The following KANK2 variants were observed in gnomAD, a reference collection of about 807,000 sequenced individuals.
The protein encoded by KANK2 is KN motif and ankyrin repeat domain-containing protein 2.
KANK2 carries 41 observed loss-of-function variants against 74.6 expected under a neutral mutation model. The ratio of observed to expected loss-of-function variants is 0.55; its 90% CI spans 0.43 to 0.71. The LOEUF (loss-of-function observed/expected upper bound fraction) is 0.71, where lower values mean the gene tolerates loss of function less well. Among genes scored for constraint, KANK2 ranks in the 30% least tolerant of loss-of-function variants. KANK2 has a pLI of 0.00. For synonymous variants in KANK2, 537 were observed against 519.0 expected, an observed-to-expected ratio of 1.03 and a Z score of -0.47; for missense variants, 1,148 against 1,196.4, an observed-to-expected ratio of 0.96 and a Z score of 0.60.
intron 6 of KANK2, 41 bp downstream of exon 6, chr19:11,178,304 G>A (rs1600812925): frequency 2.0e-6 from 2 of 990,376 alleles, no homozygotes; most frequent in Admixed American, 4.2e-5. Flanking sequence ...TGGAGGAGGG[G>A]CGGGAAGTAT....
chr19:11,166,995 A>G (rs372838296), intron 12 of KANK2, among the ~76,000 whole-genome samples: 1 of 152,004 alleles, frequency 6.6e-6, no homozygotes, highest in East Asian at 1.9e-4. Context: ...CTAGAGGGGG[A>G]GAGAAACAGT....
At position 11,174,146 on chromosome 19, in the gene KANK2, CCTGGGAGGGTGGCATCTCCTCCATCAGA is replaced by C. The variant is rs1218533593; in HGVS notation, c.2068+299_2068+326del. 8.5e-4 allele frequency among the ~76,000 whole-genome samples: 127 copies of C among 149,376 alleles called. 2 individuals are homozygous for C. In the East Asian group the frequency reaches 0.021, roughly 25 times the overall value. On this transcript the variant is annotated intron_variant, in intron 9 of 12. Transcript: ENST00000586659. ...ACTGGGAAGGTGTCTCCTCCATCAG[CCTGGGAGGGTGGCATCTCCTCCATCAGA>C]CTGGGAGGGCGGCATCTCCTCCATC... is the stretch of plus-strand genomic sequence containing the variant.
chr19:11,168,246 C>T (rs1310615382), intron 12 of KANK2, among the ~76,000 whole-genome samples: 3 of 151,646 alleles, frequency 2.0e-5, no homozygotes, highest in Admixed American at 6.6e-5. Flanking sequence ...TCAAATCATC[C>T]GCCCACCTTG....
chr19:11,178,321 G>C (rs562101242), intron 6 of KANK2, 24 bp downstream of exon 6: 3 of 540,706 alleles, frequency 5.5e-6, no homozygotes, highest in Non-Finnish European at 8.9e-6. Flanking sequence ...GTATGGGGTG[G>C]GGGGTGGGGT....
At chr19:11,178,290 T>G in intron 6 of KANK2, 55 bp downstream of exon 6, 3 of 1,111,514 alleles carry the variant, frequency 2.7e-6, no homozygotes, top group Non-Finnish European at 3.4e-6. Context: ...CGTGCGTGGA[T>G]GAATGGAGGA....
intron 4 of KANK2, among the ~76,000 whole-genome samples, chr19:11,187,776 T>C (rs992025227): frequency 2.0e-5 from 3 of 152,292 alleles, no homozygotes; most frequent in East Asian, 1.9e-4. Flanking sequence ...TTTTTTTGCA[T>C]ATTAAGTATA....
chr19:11,191,532 T>C (rs2078845985), intron 4 of KANK2, among the ~76,000 whole-genome samples: 1 of 152,208 alleles, frequency 6.6e-6, no homozygotes, highest in Non-Finnish European at 1.5e-5. Context: ...CGTCCATGGC[T>C]AGGCAGACAG....
chr19:11,180,156 A>G (rs1187495615), intron 4 of KANK2, among the ~76,000 whole-genome samples: 1 of 152,188 alleles, frequency 6.6e-6, no homozygotes, highest in Non-Finnish European at 1.5e-5. Flanking sequence ...CAGCCCATGC[A>G]TGGTTTCTGT....
At position 11,178,578 on chromosome 19, in the gene KANK2, T is replaced by G; in HGVS notation, c.1392A>C (p.Gln464His). 2 of 1,604,782 alleles carry G rather than the reference T, an allele frequency of 1.2e-6. No individual in the cohort carries two copies. Among genetic ancestry groups the G allele is most frequent in the Non-Finnish European group, 1.7e-6 (2 of 1,176,356 alleles). Residue 464 changes from glutamine (Q) to histidine (H), a missense_variant, in exon 5 of 13, where the codon CAA (glutamine) becomes CAC (histidine). Transcript: ENST00000586659. ...CGGTGCCCCCGGCCTCCTCGGACTC[T>G]TGGGAGGCTGCTTGCCTGGTGGGCT... The part of the protein sequence containing the change: ...HREPTRQAAS[Q>H]ESEEAGGTGG...
chr19:11,191,520 G>T (rs547730596), intron 4 of KANK2, among the ~76,000 whole-genome samples: 15 of 152,318 alleles, frequency 9.8e-5, no homozygotes, highest in African/African-American at 3.4e-4. Context: ...CCCTACCCCC[G>T]GCGTCCATGG....
In KANK2 at chr19:11,170,108, G is replaced by A; in HGVS notation, c.2352C>T (p.His784=). 1 of 1,613,472 alleles carries A rather than the reference G, an allele frequency of 6.2e-7. No individual in the cohort carries two copies. The highest frequency in any genetic ancestry group is 8.5e-7 in the Non-Finnish European group (1 of 1,180,022). The change falls in exon 11 of 13, where the codon CAC becomes CAT. Residue 784 remains histidine, a synonymous_variant. Coordinates refer to ENST00000586659, the MANE Select transcript of KANK2 (RefSeq NM_001136191.3). The surrounding 1 kb of genome is among the most constrained non-coding windows in gnomAD (Gnocchi z 5.2). ...CCAGCAGCAGCCCCGCGATCTCCTT[G>A]TGGCCGTGCTCACAGGCGCACATGA... ...TALMCACEHG[H]KEIAGLLLAV...
At chr19:11,177,088 CCCT>C (rs1200875536) in intron 6 of KANK2, among the ~76,000 whole-genome samples, 4 of 143,468 alleles carry the variant, frequency 2.8e-5, no homozygotes, top group Non-Finnish European at 6.0e-5. Context: ...AGCATACTCA[CCCT>C]CCTTTTTTTT....
rs34366498 is a variant in KANK2 at position 11,196,057 on chromosome 19, C to CT, written c.-278-238dup. 9.4e-3 allele frequency: 1,179 copies of CT among 124,858 alleles called. 23 individuals are homozygous for CT. Among genetic ancestry groups the CT allele is most frequent in the Admixed American group, 0.023 (268 of 11,554 alleles). The allele number at this position is 124,858 out of a possible 1,614,324, so 7.7% of individuals were successfully genotyped here. ...AGTAACAGTAATACTAACATCAACT[C>CT]TTTTTTTTTTTTTTTTCTGAGACGG... On this transcript the variant is annotated intron_variant, in intron 1 of 12. Coordinates refer to ENST00000586659, the MANE Select transcript of KANK2 (RefSeq NM_001136191.3).
At chr19:11,184,721 A>T (rs997777034) in intron 4 of KANK2, among the ~76,000 whole-genome samples, 1 of 76,988 alleles carries the variant, frequency 1.3e-5, no homozygotes, top group Non-Finnish European at 2.9e-5. Context: ...TTTAATGTGA[A>T]AAAAAAAAAT....
At position 11,170,728 on chromosome 19, in the gene KANK2, C is replaced by T. The variant is rs757412685; in HGVS notation, c.2212-480G>A. On this transcript the variant is annotated intron_variant, in intron 10 of 12. Transcript: ENST00000586659. The surrounding 1 kb of genome is among the most constrained non-coding windows in gnomAD (Gnocchi z 5.2). ...ACCTCAGCCTCCCGAGTAGCTGAGA[C>T]TACAGGCATGCGCCACAATGCCTGG... Among the ~76,000 whole-genome samples the T allele has an allele frequency of 7.9e-5, 12 of 152,142 alleles. No individual in the cohort carries two copies. The highest frequency in any genetic ancestry group is 1.6e-4 in the Non-Finnish European group (11 of 68,028).
chr19:11,189,349 T>C (rs1333522612), intron 4 of KANK2, among the ~76,000 whole-genome samples: 1 of 151,742 alleles, frequency 6.6e-6, no homozygotes, highest in Non-Finnish European at 1.5e-5. Flanking sequence ...ATAGAGAGAT[T>C]TCATCGCTTG....
chr19:11,178,361 C>T lies in KANK2; in HGVS notation c.1504G>A (p.Val502Met), dbSNP rs147580567. 4.3e-4 allele frequency: 649 copies of T among 1,524,802 alleles called. 1 individual carries two copies. The highest frequency in any genetic ancestry group is 5.5e-4 in the Non-Finnish European group (623 of 1,142,164). 94.5% of individuals were successfully genotyped at this position (1,524,802 alleles called of 1,614,324 possible). A position where few individuals can be genotyped will look rare whatever the true frequency, so the allele number is the denominator to read the frequency against. ...TCCTCTCACCCGCCGTTGACCCCCA[C>T]GAACTGGAGGCTCCTCCGGTGGGCC... ...PTAHRRSLQF[V>M]GVNGGYESSS... The change falls in exon 6 of 13, where the codon GTG becomes ATG. Residue 502 changes from valine (V) to methionine (M), a missense_variant. Val to Met is a conservative substitution (Grantham distance 21). Coordinates refer to ENST00000586659, the MANE Select transcript of KANK2 (RefSeq NM_001136191.3).
chr19:11,166,673 C>T (rs1288389117), intron 12 of KANK2, 62 bp from the exon 13 acceptor site: 21 of 1,519,530 alleles, frequency 1.4e-5, no homozygotes, highest in Middle Eastern at 1.7e-4. Flanking sequence ...GAGGCGCCAA[C>T]GTGGTGGCTG....
intron 4 of KANK2, among the ~76,000 whole-genome samples, chr19:11,181,236 T>TTTA (rs200654235): frequency 0.053 from 7,904 of 148,004 alleles, 272 homozygotes; most frequent in Middle Eastern, 0.1. Flanking sequence ...GTTGTCAAGA[T>TTTA]TTATTATTAT....
Sources: allele counts gnomAD v4.1 joint callset (sites outside exome capture counted in the v4.1 genomes callset), GRCh38; gene constraint gnomAD v4.1.1; non-coding constraint Gnocchi (gnomAD v3.1); transcripts MANE v1.5; gene names NCBI Gene and HGNC (gene_info 2026-07-23, HGNC 2026-07-21).